Variants in PHACTR4 observed in about 807,000 individuals in gnomAD.
PHACTR4 encodes the protein phosphatase and actin regulator 4.
A neutral mutation model predicts 72.7 loss-of-function variants in PHACTR4; 51 were observed. That is an observed-to-expected ratio of 0.70 (90% CI 0.56 to 0.89). The LOEUF (loss-of-function observed/expected upper bound fraction) is 0.89. Ranked by LOEUF, PHACTR4 falls within the 40% of genes least tolerant of loss-of-function variation. The probability of loss-of-function intolerance (pLI) is 0.00; values close to 1 mark genes in which losing one functional copy is unlikely to be tolerated. For synonymous variants in PHACTR4, 255 were observed against 302.5 expected (o/e 0.84, Z 1.63); for missense variants, 731 against 861.8 (o/e 0.85, Z 1.90).
At chr1:28,402,631 T>C (rs5013826) in intron 1 of PHACTR4, among the ~76,000 whole-genome samples, 58,627 of 151,898 alleles carry the variant, frequency 0.39, 13,006 homozygotes, top group African/African-American at 0.6. Context: ...ATTTGGTGCT[T>C]ACTAGGTGCT....
At chr1:28,427,517 C>T (rs561963294) in intron 2 of PHACTR4, among the ~76,000 whole-genome samples, 7 of 151,968 alleles carry the variant, frequency 4.6e-5, no homozygotes, top group Non-Finnish European at 8.8e-5. Flanking sequence ...CAGAGCGAGA[C>T]CCTGTCTCAA....
At chr1:28,432,979 C>T (rs572992333) in intron 2 of PHACTR4, 7 of 635,872 alleles carry the variant, frequency 1.1e-5, no homozygotes, top group Non-Finnish European at 1.4e-5. Context: ...CTCCTGGACT[C>T]AAGCAACCCC....
At chr1:28,386,200 TCTC>T (rs966999418) in intron 1 of PHACTR4, among the ~76,000 whole-genome samples, 2 of 152,056 alleles carry the variant, frequency 1.3e-5, no homozygotes, top group Non-Finnish European at 2.9e-5. Context: ...TTCAAACAAT[TCTC>T]CTGCCTCAGC....
Position 28,465,806 on chromosome 1 carries a change from T to A in PHACTR4, c.393T>A (p.Ser131Arg). The change falls in exon 5 of 14, where the codon AGT becomes AGA. Residue 131 changes from serine (S) to arginine (R), a missense_variant. By Grantham distance (110) the Ser-to-Arg change is moderately radical (BLOSUM62 -1). This residue lies in a region of PHACTR4 where 621 missense variants were observed against 676.6 expected (regional missense o/e 0.92). Transcript: ENST00000373839. ...QVEEEPVRLA[S>R]LRKAIPEEDL... ...AGGAAGAGCCAGTAAGATTAGCAAG[T>A]CTTAGGAAAGCTATTCCAGAAGAGG... is the stretch of plus-strand genomic sequence containing the variant. The A allele has an allele frequency of 6.2e-7, 1 of 1,613,644 alleles. No individual in the cohort carries two copies. The highest frequency in any genetic ancestry group is 8.5e-7 in the Non-Finnish European group (1 of 1,179,856).
chr1:28,493,017 T>C lies in PHACTR4; in HGVS notation c.2019T>C (p.Ala673=). The part of the protein sequence containing the change: ...PWTKLTPADK[A]AIRKELNEFK... ...ACATTTTTGTCTCTACTCCACAGGC[T>C]GCCATAAGAAAAGAATTAAATGAAT... The change falls in exon 13 of 14, where the codon GCT becomes GCC. Residue 673 remains alanine, a splice_region_variant and synonymous_variant. Transcript: ENST00000373839. 6.2e-7 allele frequency: 1 copy of C among 1,611,668 alleles called. No individual in the cohort carries two copies. Among genetic ancestry groups the C allele is most frequent in the East Asian group, 2.2e-5 (1 of 44,856 alleles).
chr1:28,376,827 CAG>C (rs200145965), intron 1 of PHACTR4, among the ~76,000 whole-genome samples: 12,524 of 149,600 alleles, frequency 0.084, 1,066 homozygotes, highest in African/African-American at 0.23. Flanking sequence ...TTAGTAGAGA[CAG>C]GGTTTCACTA....
At chr1:28,472,712 G>A (rs138311638) in intron 6 of PHACTR4, among the ~76,000 whole-genome samples, 15,618 of 150,654 alleles carry the variant, frequency 0.1, 1,863 homozygotes, top group African/African-American at 0.3. Context: ...AGAGATTCTC[G>A]TGCCTCAGCC....
intron 1 of PHACTR4, among the ~76,000 whole-genome samples, chr1:28,395,521 AGAG>A (rs1193953127): frequency 6.6e-6 from 1 of 152,178 alleles, no homozygotes; most frequent in African/African-American, 2.4e-5. Context: ...TGTTTAACAA[AGAG>A]GAGGAGGTCA....
chr1:28,420,080 C>T (rs1390579595), intron 2 of PHACTR4, among the ~76,000 whole-genome samples: 1 of 151,954 alleles, frequency 6.6e-6, no homozygotes, highest in African/African-American at 2.4e-5. Context: ...ATTGTGAGAC[C>T]CCATCTCTAC....
At chr1:28,448,426 A>AAAAGGAAAGGAAAGGAAAGG (rs77755219) in intron 2 of PHACTR4, among the ~76,000 whole-genome samples, 24 of 148,064 alleles carry the variant, frequency 1.6e-4, no homozygotes, top group African/African-American at 6.1e-4. Context: ...GGGGAAAGGA[A>AAAAGGAAAGGAAAGGAAAGG]AAAGGAAAGG....
chr1:28,433,151 G>A, intron 2 of PHACTR4: 1 of 910,638 alleles, frequency 1.1e-6, no homozygotes, highest in South Asian at 5.1e-5. Flanking sequence ...CTCTAAAAAG[G>A]GAGTATCTTA....
chr1:28,482,320 T>TA (rs1268563603), intron 9 of PHACTR4, among the ~76,000 whole-genome samples: 3 of 152,160 alleles, frequency 2.0e-5, no homozygotes, highest in Non-Finnish European at 4.4e-5. Context: ...TGCTTAACCA[T>TA]AAGATGCCAA....
chr1:28,388,539 A>T (rs747409137), intron 1 of PHACTR4, among the ~76,000 whole-genome samples: 5 of 152,110 alleles, frequency 3.3e-5, no homozygotes, highest in African/African-American at 1.2e-4. Context: ...AATTAGATCC[A>T]TGTCTCTCAC....
intron 2 of PHACTR4, chr1:28,438,138 GGAATGACAGGCATTCCTGTGT>G: frequency 8.5e-7 from 1 of 1,174,160 alleles, no homozygotes; most frequent in Non-Finnish European, 1.1e-6. Flanking sequence ...TGTGCATTCT[GGAATGACAGGCATTCCTGTGT>G]GAAGAGTGCC....
intron 2 of PHACTR4, among the ~76,000 whole-genome samples, chr1:28,449,096 T>G (rs1657741550): frequency 6.6e-6 from 1 of 152,138 alleles, no homozygotes; most frequent in African/African-American, 2.4e-5. Flanking sequence ...TGAGTTATGA[T>G]CATGCCATTG....
chr1:28,436,636 G>C (rs1656654119), intron 2 of PHACTR4, among the ~76,000 whole-genome samples: 1 of 152,076 alleles, frequency 6.6e-6, no homozygotes, highest in African/African-American at 2.4e-5. Context: ...GATGTTAGTG[G>C]AATAATCCAG....
At position 28,499,462 on chromosome 1, in the gene PHACTR4, A is replaced by ATTTGATTTGTTTTGT. The variant is rs1553209236; in HGVS notation, c.*2917_*2918insATTTGTTTTGTTTTG. 2 of 149,130 alleles carry ATTTGATTTGTTTTGT rather than the reference A, an allele frequency of 1.3e-5. No individual in the cohort carries two copies. Among genetic ancestry groups the ATTTGATTTGTTTTGT allele is most frequent in the Non-Finnish European group, 3.0e-5 (2 of 67,656 alleles). 9.2% of individuals were successfully genotyped at this position (149,130 alleles called of 1,614,324 possible). A position where few individuals can be genotyped will look rare whatever the true frequency, so the allele number is the denominator to read the frequency against. On this transcript the variant is annotated 3_prime_UTR_variant, in exon 14 of 14. Transcript: ENST00000373839. ...CCTTGAAGTTTTTTGTTTGGTTTTG[A>ATTTGATTTGTTTTGT]TTTGTTTTGTTTTGTTTTGTTTTGT... is the stretch of plus-strand genomic sequence containing the variant.
intron 2 of PHACTR4, among the ~76,000 whole-genome samples, chr1:28,417,085 G>A (rs753897692): frequency 1.3e-5 from 2 of 149,990 alleles, no homozygotes; most frequent in Admixed American, 6.7e-5. Flanking sequence ...CCCCTGAAAT[G>A]GGTAATTTTC....
chr1:28,438,610 TAA>T (rs1277409144), intron 2 of PHACTR4, among the ~76,000 whole-genome samples: 1 of 152,226 alleles, frequency 6.6e-6, no homozygotes, highest in Non-Finnish European at 1.5e-5. Context: ...TTTAAAAAAT[TAA>T]GTTTTTTAAA....
Sources: gnomAD v4.1 joint callset for allele counts (sites outside exome capture counted in the v4.1 genomes callset) on GRCh38, gnomAD v4.1.1 for gene constraint, gnomAD v4.1.1 regional missense constraint, MANE v1.5 for transcripts, NCBI Gene and HGNC (gene_info 2026-07-23, HGNC 2026-07-21) for gene names.